FOXP1: variants seen among roughly 807,000 people sequenced by gnomAD.
FOXP1 encodes forkhead box protein P1.
Under a neutral mutation model 98.2 loss-of-function variants are expected in FOXP1, and 15 were observed. The observed-to-expected ratio is 0.15, with a 90% CI of 0.10 to 0.24. The LOEUF (loss-of-function observed/expected upper bound fraction) is 0.24. Ranked by LOEUF, FOXP1 falls within the 10% of genes least tolerant of loss-of-function variation. FOXP1 has a pLI of 1.00. For synonymous variants in FOXP1, 371 were observed against 314.5 expected, an observed-to-expected ratio of 1.18 and a Z score of -1.90; for missense variants, 633 against 848.5, an observed-to-expected ratio of 0.75 and a Z score of 3.15.
intron 7 of FOXP1, among the ~76,000 whole-genome samples, chr3:71,071,774 A>G (rs938806684): frequency 5.3e-5 from 8 of 152,026 alleles, no homozygotes; most frequent in African/African-American, 9.7e-5. Flanking sequence ...GTGTTTCACC[A>G]TGTTGCCCAG....
At chr3:71,507,934 T>G (rs1380894983) in intron 2 of FOXP1, among the ~76,000 whole-genome samples, 2 of 152,216 alleles carry the variant, frequency 1.3e-5, no homozygotes, top group African/African-American at 4.8e-5. Flanking sequence ...CTGACAGGAA[T>G]AAGCACATTA....
chr3:70,971,166 T>TCA (rs2107166154), intron 18 of FOXP1: 1 of 330,754 alleles, frequency 3.0e-6, no homozygotes, highest in African/African-American at 2.1e-5. Flanking sequence ...GGCAGTGAGC[T>TCA]CACAGCAGGG....
intron 2 of FOXP1, among the ~76,000 whole-genome samples, chr3:71,520,314 A>G (rs1196678441): frequency 1.3e-5 from 2 of 152,266 alleles, no homozygotes; most frequent in African/African-American, 2.4e-5. Context: ...TTTAAAAAAC[A>G]TATATCCATT....
rs1559555863 is a variant in FOXP1, at chr3:70,958,320, T to G, written c.*927A>C. The G allele has an allele frequency of 1.9e-6, 1 of 536,978 alleles. No individual in the cohort carries two copies. The highest frequency in any genetic ancestry group is 3.6e-6 in the Non-Finnish European group (1 of 276,670). The allele number at this position is 536,978 out of a possible 1,614,324, so 33.3% of individuals were successfully genotyped here. Reference sequence around the variant, plus strand: ...CCTAGAGTTTGTCTCTCTTTTTTTTTTCTGTCATTCATTCTCTTTCTGGCA... The same window carrying G: ...CCTAGAGTTTGTCTCTCTTTTTTTTGTCTGTCATTCATTCTCTTTCTGGCA... On this transcript the variant is annotated 3_prime_UTR_variant, in exon 21 of 21. Coordinates refer to ENST00000649528, the MANE Select transcript of FOXP1 (RefSeq NM_001349338.3).
chr3:71,122,719 G>T (rs955424493), intron 6 of FOXP1, among the ~76,000 whole-genome samples: 1 of 152,172 alleles, frequency 6.6e-6, no homozygotes, highest in Non-Finnish European at 1.5e-5. Context: ...GATTTAAAAT[G>T]GGCAAACAGA....
chr3:71,403,509 C>T (rs980148589), intron 3 of FOXP1, among the ~76,000 whole-genome samples: 9 of 152,186 alleles, frequency 5.9e-5, no homozygotes, highest in African/African-American at 9.7e-5. Flanking sequence ...TGCATGCACG[C>T]GTGCCTCATG....
At chr3:71,000,472 G>A (rs556596329) in intron 13 of FOXP1, among the ~76,000 whole-genome samples, 76 of 151,982 alleles carry the variant, frequency 5.0e-4, no homozygotes, top group Non-Finnish European at 9.3e-4. Flanking sequence ...GGGAAAACAC[G>A]GTTTTGGGTG....
intron 11 of FOXP1, among the ~76,000 whole-genome samples, chr3:71,024,167 A>G (rs1207940462): frequency 1.3e-5 from 2 of 152,184 alleles, no homozygotes; most frequent in Non-Finnish European, 2.9e-5. Context: ...CCCAAAGACG[A>G]GCAGATGAAA....
intron 6 of FOXP1, among the ~76,000 whole-genome samples, chr3:71,147,617 T>A (rs1403122629): frequency 6.6e-6 from 1 of 152,206 alleles, no homozygotes. Context: ...CAAATAAGTG[T>A]GAAATTTATC....
chr3:70,999,855 C>G (rs2041888070), intron 13 of FOXP1, among the ~76,000 whole-genome samples: 1 of 152,184 alleles, frequency 6.6e-6, no homozygotes, highest in South Asian at 2.1e-4. Flanking sequence ...GCATCGCTGT[C>G]TTGCATACAA....
rs71120316 is a variant in FOXP1, at chr3:71,345,871, TAAAAAAA to T, written c.-73+13272_-73+13278del. On this transcript the variant is annotated intron_variant, in intron 4 of 20. Transcript: ENST00000649528. ...AGGTTTGAAATCAATAAAGTTTTTG[TAAAAAAA>T]AAAAAAAAAAAAAAAAAAAAGAGGA... Among the ~76,000 whole-genome samples the T allele has an allele frequency of 1.5e-3, 80 of 55,100 alleles. 3 individuals are homozygous for T. Among genetic ancestry groups the T allele is most frequent in the East Asian group, 7.7e-3 (12 of 1,552 alleles). 36.1% of individuals were successfully genotyped at this position (55,100 alleles called of 152,430 possible). A position where few individuals can be genotyped will look rare whatever the true frequency, so the allele number is the denominator to read the frequency against.
chr3:71,288,498 C>T (rs1208274173), intron 5 of FOXP1: 1 of 152,146 alleles, frequency 6.6e-6, no homozygotes, highest in Non-Finnish European at 1.5e-5. Context: ...GTGGCTCAGG[C>T]TCAAACTAGT....
At chr3:71,088,400 G>GT (rs539363748) in intron 7 of FOXP1, among the ~76,000 whole-genome samples, 7,408 of 140,808 alleles carry the variant, frequency 0.053, 596 homozygotes, top group African/African-American at 0.17. Context: ...TTTGTTTTTT[G>GT]TTTTTTTTTT....
intron 4 of FOXP1, among the ~76,000 whole-genome samples, chr3:71,301,786 G>C (rs886127587): frequency 2.0e-5 from 3 of 152,120 alleles, no homozygotes; most frequent in African/African-American, 7.2e-5. Flanking sequence ...TGAACCTGCG[G>C]AACACTTTCA....
Position 71,580,691 on chromosome 3 carries a change from T to A in FOXP1, c.-298+858A>T, listed in dbSNP as rs930833345. ...GAAAACGGGGGTGGGGGAAAGGGGATGGAATGGAAAAATTTTGCAGCGATT... is the reference window on the plus strand; with the variant it reads ...GAAAACGGGGGTGGGGGAAAGGGGAAGGAATGGAAAAATTTTGCAGCGATT... On this transcript the variant is annotated intron_variant, in intron 2 of 20. Transcript: ENST00000649528. 45 of 680,222 alleles carry A rather than the reference T, an allele frequency of 6.6e-5. No individual in the cohort carries two copies. The Admixed American group carries it at 2.1e-3, about 31-fold the overall frequency. The allele number at this position is 680,222 out of a possible 1,614,324, so 42.1% of individuals were successfully genotyped here.
At chr3:71,411,569 G>A (rs1412273942) in intron 3 of FOXP1, among the ~76,000 whole-genome samples, 3 of 152,006 alleles carry the variant, frequency 2.0e-5, no homozygotes, top group Non-Finnish European at 2.9e-5. Context: ...TGATCCACCC[G>A]CCCTGGCCTC....
At chr3:70,979,756 C>T (rs1179199408) in intron 14 of FOXP1, among the ~76,000 whole-genome samples, 1 of 147,760 alleles carries the variant, frequency 6.8e-6, no homozygotes. Flanking sequence ...TGGGAAGACT[C>T]GACCTTTACT....
In FOXP1 at chr3:71,496,720, T is replaced by C. The variant is rs577321725; in HGVS notation, c.-297-3165A>G. Among the ~76,000 whole-genome samples the C allele has an allele frequency of 1.0e-3, 159 of 151,998 alleles. 1 individual carries two copies. Among genetic ancestry groups the C allele is most frequent in the Non-Finnish European group, 1.7e-3 (113 of 67,982 alleles). ...TACTAGGGAGGCTGAGGCAGAAGAA[T>C]CGCTTGATCCAGGGAGTCGGAAGTT... is the stretch of plus-strand genomic sequence containing the variant. On this transcript the variant is annotated intron_variant, in intron 2 of 20. Transcript: ENST00000649528.
At chr3:71,158,107 G>GAAA (rs2060923039) in intron 6 of FOXP1, among the ~76,000 whole-genome samples, 1 of 39,478 alleles carries the variant, frequency 2.5e-5, no homozygotes, top group Non-Finnish European at 7.4e-5. Context: ...AAGGAAGGAA[G>GAAA]GGAGGGAGGG....
Sources: gnomAD v4.1 joint callset for allele counts (sites outside exome capture counted in the v4.1 genomes callset) on GRCh38, gnomAD v4.1.1 for gene constraint, MANE v1.5 for transcripts, NCBI Gene and HGNC (gene_info 2026-07-23, HGNC 2026-07-21) for gene names.